The following ERG variants were observed in gnomAD, a reference collection of about 807,000 sequenced individuals.
ERG encodes the protein ETS transcription factor ERG.
In ERG, 9 loss-of-function variants were observed where a neutral mutation model predicts 55.3. That is an observed-to-expected ratio of 0.16 (90% CI 0.10 to 0.28). The LOEUF is 0.28. Ranked by LOEUF, ERG falls within the 10% of genes least tolerant of loss-of-function variation. The pLI is 1.00. For missense variants in ERG, 434 were observed against 631.6 expected (o/e 0.69, Z 3.35); for synonymous variants, 223 against 237.3 (o/e 0.94, Z 0.55).
chr21:38,648,952 G>GA (rs1160032752), intron 1 of ERG, among the ~76,000 whole-genome samples: 1 of 152,174 alleles, frequency 6.6e-6, no homozygotes, highest in Non-Finnish European at 1.5e-5. Context: ...TAGAAGCTCA[G>GA]AGACAGTGAG....
rs1293556193 is a variant in ERG, at chr21:38,460,940, G to GCT, written c.19-15321_19-15320dup. ...CCTATGGAGAACCTGGATTCCCAGAGCTCTATCTGGTAGAACGTGTCTCCA... is the reference window on the plus strand; with the variant it reads ...CCTATGGAGAACCTGGATTCCCAGAGCTCTCTATCTGGTAGAACGTGTCTCCA... On this transcript the variant is annotated intron_variant, in intron 1 of 9. Transcript: ENST00000288319. The surrounding 1 kb of genome is among the most constrained non-coding windows in gnomAD (Gnocchi z 5.0). Among the ~76,000 whole-genome samples the GCT allele has an allele frequency of 2.6e-5, 4 of 152,314 alleles. No homozygotes were observed. The highest frequency in any genetic ancestry group is 2.0e-4 in the Admixed American group (3 of 15,300).
chr21:38,599,483 C>T (rs1480701463), intron 1 of ERG, among the ~76,000 whole-genome samples: 1 of 152,208 alleles, frequency 6.6e-6, no homozygotes, highest in East Asian at 1.9e-4. Context: ...AATTATGATG[C>T]ATGGCCAAGT....
At chr21:38,529,370 A>G (rs1403915028) in intron 2 of ERG, among the ~76,000 whole-genome samples, 1 of 152,160 alleles carries the variant, frequency 6.6e-6, no homozygotes, top group Non-Finnish European at 1.5e-5. Flanking sequence ...AGTGAGGTGG[A>G]GAACTGGACA....
chr21:38,499,224 G>T (rs2059403057), upstream of ERG, among the ~76,000 whole-genome samples: 1 of 152,124 alleles, frequency 6.6e-6, no homozygotes, highest in South Asian at 2.1e-4. Flanking sequence ...CAGTGAGCTG[G>T]TCTCACTCTG....
chr21:38,572,323 G>A (rs1326035522), intron 2 of ERG, among the ~76,000 whole-genome samples: 1 of 144,798 alleles, frequency 6.9e-6, no homozygotes, highest in Non-Finnish European at 1.5e-5. Context: ...AGCCAAGATC[G>A]CGCCACTGCA....
chr21:38,402,265 T>A (rs1988530929), intron 5 of ERG, among the ~76,000 whole-genome samples: 1 of 152,172 alleles, frequency 6.6e-6, no homozygotes, highest in South Asian at 2.1e-4. Context: ...AGAAGAAGAC[T>A]GTAATCCGGC....
chr21:38,570,059 T>C (rs1429221080), intron 2 of ERG, among the ~76,000 whole-genome samples: 1 of 152,188 alleles, frequency 6.6e-6, no homozygotes, highest in Admixed American at 6.5e-5. Flanking sequence ...TACAAGGGAA[T>C]ACAGACCCAG....
chr21:38,450,061 G>A (rs1300523323), intron 1 of ERG, among the ~76,000 whole-genome samples: 4 of 151,676 alleles, frequency 2.6e-5, no homozygotes, highest in Non-Finnish European at 5.9e-5. Flanking sequence ...CAACTAAGTG[G>A]AACAAGAATT....
Position 38,386,210 on chromosome 21 carries a change from A to G in ERG, c.920-2287T>C, listed in dbSNP as rs1486984639. On this transcript the variant is annotated intron_variant, in intron 9 of 9. Coordinates refer to ENST00000288319, the MANE Select transcript of ERG (RefSeq NM_182918.4). The stretch of plus-strand genomic sequence containing the variant: ...AATTTCTCACTTGACTATTTTACCC[A>G]GTAGCCATAAAGACATAGGGCTCAG... Among the ~76,000 whole-genome samples, 6 of 152,348 alleles carry G rather than the reference A, an allele frequency of 3.9e-5. No homozygotes were observed. In the East Asian group the frequency reaches 7.7e-4, roughly 20 times the overall value.
chr21:38,480,499 A>G (rs2059227559), intron 1 of ERG, among the ~76,000 whole-genome samples: 1 of 142,026 alleles, frequency 7.0e-6, no homozygotes. Flanking sequence ...CTAGGTTGTA[A>G]TAATTTGTCA....
intron 1 of ERG, among the ~76,000 whole-genome samples, chr21:38,603,794 A>G (rs1294647100): frequency 6.6e-6 from 1 of 152,008 alleles, no homozygotes; most frequent in Non-Finnish European, 1.5e-5. Flanking sequence ...AATTAACATA[A>G]CTGAAGTCAC....
At chr21:38,584,125 A>G (rs990305845) in intron 1 of ERG, among the ~76,000 whole-genome samples, 3 of 152,136 alleles carry the variant, frequency 2.0e-5, no homozygotes, top group Non-Finnish European at 2.9e-5. Context: ...ATGGACTACT[A>G]TTCCTTCCAC....
intron 3 of ERG, among the ~76,000 whole-genome samples, chr21:38,407,748 G>C (rs1270715345): frequency 1.4e-5 from 2 of 142,012 alleles, no homozygotes; most frequent in African/African-American, 2.6e-5. Flanking sequence ...TTTTTTAAAA[G>C]TATAAAAAAT....
chr21:38,598,753 G>A (rs181326912), intron 1 of ERG, among the ~76,000 whole-genome samples: 1 of 152,330 alleles, frequency 6.6e-6, no homozygotes, highest in African/African-American at 2.4e-5. Context: ...GTCGCAGAGG[G>A]GAGCAGGGTG....
At chr21:38,627,948 T>C (rs1387712202) in intron 1 of ERG, among the ~76,000 whole-genome samples, 1 of 151,840 alleles carries the variant, frequency 6.6e-6, no homozygotes, top group East Asian at 1.9e-4. Context: ...CTCTTCTTTT[T>C]TTTTTTTTTG....
the ERG span, among the ~76,000 whole-genome samples, chr21:38,372,938 T>C: frequency 6.6e-6 from 1 of 152,188 alleles, no homozygotes; most frequent in East Asian, 1.9e-4. Flanking sequence ...TGAAATTGAC[T>C]CCACCAAGAA....
chr21:38,422,979 G>A (rs1022817647), intron 3 of ERG, among the ~76,000 whole-genome samples: 2 of 151,972 alleles, frequency 1.3e-5, no homozygotes, highest in Non-Finnish European at 2.9e-5. Flanking sequence ...CCCTAGAAAG[G>A]TCACCTTTCA....
chr21:38,637,964 G>A (rs1252306545), intron 1 of ERG, among the ~76,000 whole-genome samples: 3 of 152,206 alleles, frequency 2.0e-5, no homozygotes, highest in Non-Finnish European at 2.9e-5. Context: ...TGAGTGGATT[G>A]AAGAGCAAGA....
At chr21:38,577,900 C>T (rs2060004689) in intron 1 of ERG, among the ~76,000 whole-genome samples, 1 of 152,228 alleles carries the variant, frequency 6.6e-6, no homozygotes, top group Non-Finnish European at 1.5e-5. Flanking sequence ...CCCCTCCCCT[C>T]AAACCCAGGC....
Sources: allele counts gnomAD v4.1 joint callset (sites outside exome capture counted in the v4.1 genomes callset), GRCh38; gene constraint gnomAD v4.1.1; non-coding constraint Gnocchi (gnomAD v3.1); transcripts MANE v1.5; gene names NCBI Gene and HGNC (gene_info 2026-07-23, HGNC 2026-07-21).